Variants in MFHAS1 observed in about 807,000 individuals in gnomAD.
MFHAS1 encodes malignant fibrous histiocytoma-amplified sequence 1.
A neutral mutation model predicts 70.4 loss-of-function variants in MFHAS1; 50 were observed. That is an observed-to-expected ratio of 0.71 (90% CI 0.57 to 0.90). MFHAS1 has a LOEUF of 0.90. Ranked by LOEUF, MFHAS1 falls within the 40% of genes least tolerant of loss-of-function variation. The pLI is 0.00. For missense variants in MFHAS1, 1,795 were observed against 1,347.6 expected, an observed-to-expected ratio of 1.33 and a Z score of -5.20; for synonymous variants, 952 against 620.0, an observed-to-expected ratio of 1.54 and a Z score of -7.96.
intron 1 of MFHAS1, among the ~76,000 whole-genome samples, chr8:8,877,301 C>CATAAAAAAAA (rs1809334352): frequency 1.6e-5 from 1 of 63,798 alleles, no homozygotes; most frequent in Admixed American, 2.4e-4. Context: ...GACCCTGCCT[C>CATAAAAAAAA]AAAAAAAAAA....
At chr8:8,842,913 A>G (rs1674551592) in intron 1 of MFHAS1, among the ~76,000 whole-genome samples, 2 of 152,222 alleles carry the variant, frequency 1.3e-5, no homozygotes, top group South Asian at 4.1e-4. Context: ...CTGCATTTAC[A>G]AATTAGCATG....
At chr8:8,803,048 C>T (rs1337275941) in intron 1 of MFHAS1, among the ~76,000 whole-genome samples, 1 of 152,178 alleles carries the variant, frequency 6.6e-6, no homozygotes, top group Admixed American at 6.5e-5. Flanking sequence ...GCCACATATA[C>T]TCTTAAGGGG....
intron 1 of MFHAS1, among the ~76,000 whole-genome samples, chr8:8,815,407 G>A (rs1197773544): frequency 1.3e-5 from 2 of 152,122 alleles, no homozygotes; most frequent in East Asian, 3.8e-4. Flanking sequence ...GGGTCAAACG[G>A]TATTTCTGGT....
intron 1 of MFHAS1, among the ~76,000 whole-genome samples, chr8:8,799,212 A>G (rs1254064615): frequency 2.6e-5 from 4 of 152,210 alleles, no homozygotes; most frequent in African/African-American, 4.8e-5. Context: ...GTAGATACCT[A>G]TGATAAAGTT....
intron 1 of MFHAS1, among the ~76,000 whole-genome samples, chr8:8,861,094 T>C (rs901253983): frequency 6.6e-6 from 1 of 152,240 alleles, no homozygotes; most frequent in Admixed American, 6.5e-5. Flanking sequence ...AACTCATCTT[T>C]ACATTCATCC....
Position 8,893,021 on chromosome 8 carries a change from C to G in MFHAS1, c.38G>C (p.Arg13Thr). 6.5e-7 allele frequency: 1 copy of G among 1,537,840 alleles called. No individual in the cohort carries two copies. The highest frequency in any genetic ancestry group is 8.7e-7 in the Non-Finnish European group (1 of 1,145,944). The change falls in exon 1 of 3, where the codon AGG (arginine) becomes ACG (threonine). Residue 13 changes from arginine (R) to threonine (T), a missense_variant. Arg to Thr is a moderately conservative substitution (Grantham distance 71). Coordinates refer to ENST00000276282, the MANE Select transcript of MFHAS1 (RefSeq NM_004225.3). ...ACGCAGGGCGGCGTCCCGCCACAGC[C>G]TCGCGGTCTTCAGGTTGCCACTGTC... ...GMDSGNLKTA[R>T]LWRDAALRAR...
chr8:8,837,847 G>A (rs990281276), intron 1 of MFHAS1, among the ~76,000 whole-genome samples: 2 of 152,222 alleles, frequency 1.3e-5, no homozygotes, highest in South Asian at 2.1e-4. Flanking sequence ...TGGTACAACC[G>A]CTACAGAAAA....
At chr8:8,815,372 G>A (rs113349957) in intron 1 of MFHAS1, among the ~76,000 whole-genome samples, 6,110 of 152,152 alleles carry the variant, frequency 0.04, 215 homozygotes, top group South Asian at 0.12. Flanking sequence ...ATTCCTTTAA[G>A]TATATACCCA....
In MFHAS1 at chr8:8,890,685, A is replaced by C. The variant is rs1809968552; in HGVS notation, c.2374T>G (p.Phe792Val). 6.2e-7 allele frequency: 1 copy of C among 1,613,530 alleles called. No homozygotes were observed. Among genetic ancestry groups the C allele is most frequent in the Admixed American group, 1.7e-5 (1 of 60,002 alleles). ...GCTGGCAAGAGCCCATGCAACAGAA[A>C]GCCCTCCACATACTGATGGAGCTGG... ...ATQLHQYVEG[F>V]LLHGLLPAHV... is the part of the protein sequence containing the mutation. The change falls in exon 1 of 3, where the codon TTT (phenylalanine) becomes GTT (valine). Residue 792 changes from phenylalanine to valine, a missense_variant. Phe to Val is a conservative substitution (Grantham distance 50). Coordinates refer to ENST00000276282, the MANE Select transcript of MFHAS1 (RefSeq NM_004225.3).
intron 1 of MFHAS1, among the ~76,000 whole-genome samples, chr8:8,880,666 G>A (rs1307616411): frequency 6.6e-6 from 1 of 150,648 alleles, no homozygotes; most frequent in Non-Finnish European, 1.5e-5. Flanking sequence ...TCTAGGGCAG[G>A]ACATCCCTTC....
intron 1 of MFHAS1, among the ~76,000 whole-genome samples, chr8:8,824,885 T>C (rs1292331115): frequency 6.6e-6 from 1 of 152,198 alleles, no homozygotes. Flanking sequence ...GGAGGAAGGC[T>C]GCGCTGGCCT....
At chr8:8,832,050 GCGCGCGCGCGCGCACA>G (rs1268244207) in intron 1 of MFHAS1, among the ~76,000 whole-genome samples, 1 of 31,284 alleles carries the variant, frequency 3.2e-5, no homozygotes, top group Non-Finnish European at 8.7e-5. Flanking sequence ...GCACATGCAC[GCGCGCGCGCGCGCACA>G]CACACACACA....
Position 8,797,500 on chromosome 8 carries a change from G to C in MFHAS1, c.2999-9C>G, listed in dbSNP as rs781322985. 1.9e-6 allele frequency: 3 copies of C among 1,611,854 alleles called. No homozygotes were observed. Among genetic ancestry groups the C allele is most frequent in the African/African-American group, 2.7e-5 (2 of 74,830 alleles). ...CTGACTCAGCAACTCCCCTGTAGGA[G>C]GAGAGAGAAAAACGTGTTAGGGAGA... On this transcript the variant is annotated splice_polypyrimidine_tract_variant and intron_variant, in intron 1 of 2. Coordinates refer to ENST00000276282, the MANE Select transcript of MFHAS1 (RefSeq NM_004225.3).
At chr8:8,794,006 G>C (rs1033021475) in intron 2 of MFHAS1, among the ~76,000 whole-genome samples, 1 of 152,094 alleles carries the variant, frequency 6.6e-6, no homozygotes, top group Non-Finnish European at 1.5e-5. Context: ...CAGCCAACAT[G>C]ATGAAACCCC....
At chr8:8,842,936 A>C (rs933909358) in intron 1 of MFHAS1, among the ~76,000 whole-genome samples, 75 of 152,368 alleles carry the variant, frequency 4.9e-4, no homozygotes, top group African/African-American at 1.7e-3. Flanking sequence ...TTGAATTAAC[A>C]GAAAAACAAA....
At chr8:8,867,731 G>C (rs757618153) in intron 1 of MFHAS1, among the ~76,000 whole-genome samples, 3 of 151,864 alleles carry the variant, frequency 2.0e-5, no homozygotes, top group Admixed American at 6.6e-5. Context: ...CTAATTTTTT[G>C]TATTTTTACT....
intron 1 of MFHAS1, among the ~76,000 whole-genome samples, chr8:8,829,578 G>A (rs1441596109): frequency 6.6e-6 from 1 of 152,162 alleles, no homozygotes; most frequent in African/African-American, 2.4e-5. Flanking sequence ...CTACTGAGGA[G>A]GCTGAGGCAG....
rs570063606 is a variant in MFHAS1 at position 8,835,584 on chromosome 8, T to C, written c.2999-38093A>G. 7.2e-5 allele frequency among the ~76,000 whole-genome samples: 11 copies of C among 152,358 alleles called. No homozygotes were observed. The East Asian group carries it at 1.7e-3, about 24-fold the overall frequency. Reference sequence around the variant, plus strand: ...AAACTTGCTATATAATGATCTTTTATGTGAACAATTTTTTCAACAACTTAA... The same window carrying C: ...AAACTTGCTATATAATGATCTTTTACGTGAACAATTTTTTCAACAACTTAA... On this transcript the variant is annotated intron_variant, in intron 1 of 2. Coordinates refer to ENST00000276282, the MANE Select transcript of MFHAS1 (RefSeq NM_004225.3).
intron 2 of MFHAS1, among the ~76,000 whole-genome samples, chr8:8,786,908 G>A (rs899770032): frequency 3.3e-5 from 5 of 151,514 alleles, no homozygotes; most frequent in South Asian, 2.1e-4. Context: ...TGATAATAAC[G>A]ACATCACCAA....
Sources: gnomAD v4.1 joint callset for allele counts (sites outside exome capture counted in the v4.1 genomes callset) on GRCh38, gnomAD v4.1.1 for gene constraint, MANE v1.5 for transcripts, NCBI Gene and HGNC (gene_info 2026-07-23, HGNC 2026-07-21) for gene names.